Variants in HTR4 observed in about 807,000 individuals in gnomAD.
The protein encoded by HTR4 is 5-hydroxytryptamine receptor 4.
HTR4 carries 16 observed loss-of-function variants against 36.8 expected under a neutral mutation model. The observed-to-expected ratio is 0.43, with a 90% confidence interval of 0.29 to 0.66. HTR4 has a LOEUF of 0.66. Among genes scored for constraint, HTR4 ranks in the 30% least tolerant of loss-of-function variants. The pLI, the probability that HTR4 is intolerant of heterozygous loss-of-function variation, is 0.13. For missense variants in HTR4, 438 were observed against 490.9 expected (o/e 0.89, Z 1.02); for synonymous variants, 189 against 185.1 (o/e 1.02, Z -0.17).
intron 2 of HTR4, among the ~76,000 whole-genome samples, chr5:148,583,148 T>C (rs1316728356): frequency 6.6e-6 from 1 of 151,586 alleles, no homozygotes; most frequent in East Asian, 1.9e-4. Flanking sequence ...GCATGAAGGG[T>C]TGTTGAATTT....
At chr5:148,488,424 T>A (rs1384955383) in intron 6 of HTR4, among the ~76,000 whole-genome samples, 1 of 152,232 alleles carries the variant, frequency 6.6e-6, no homozygotes, top group Non-Finnish European at 1.5e-5. Flanking sequence ...TAAATTTTAA[T>A]AACTTTGTTT....
intron 4 of HTR4, among the ~76,000 whole-genome samples, chr5:148,539,422 G>A (rs889411184): frequency 2.0e-5 from 3 of 152,144 alleles, no homozygotes; most frequent in African/African-American, 7.2e-5. Context: ...ACTATCAACA[G>A]AGCAAACAGA....
chr5:148,510,525 A>G (rs1343613753), intron 5 of HTR4, among the ~76,000 whole-genome samples: 4 of 152,234 alleles, frequency 2.6e-5, no homozygotes, highest in Non-Finnish European at 5.9e-5. Flanking sequence ...AGTACATATT[A>G]TAAGTGCAGA....
intron 6 of HTR4, among the ~76,000 whole-genome samples, chr5:148,500,418 G>A (rs1390173045): frequency 6.6e-6 from 1 of 152,024 alleles, no homozygotes; most frequent in African/African-American, 2.4e-5. Flanking sequence ...AAAGTTGCTG[G>A]TGAGTTAGCA....
At chr5:148,488,046 T>C (rs922690240) in intron 6 of HTR4, among the ~76,000 whole-genome samples, 1 of 152,162 alleles carries the variant, frequency 6.6e-6, no homozygotes, top group Non-Finnish European at 1.5e-5. Context: ...ATAGAATTCT[T>C]GGGTATTGTT....
chr5:148,510,467 A>AGAAT (rs1757445406), intron 5 of HTR4, among the ~76,000 whole-genome samples: 1 of 152,208 alleles, frequency 6.6e-6, no homozygotes, highest in Non-Finnish European at 1.5e-5. Flanking sequence ...ATAACAGATC[A>AGAAT]GTCTCTTAAC....
intron 1 of HTR4, among the ~76,000 whole-genome samples, chr5:148,647,691 G>A (rs138271238): frequency 2.9e-3 from 446 of 152,212 alleles, no homozygotes; most frequent in African/African-American, 9.9e-3. Flanking sequence ...TCTACTAAAA[G>A]TACAAAAATT....
At chr5:148,521,894 A>G (rs1489489168) in intron 5 of HTR4, among the ~76,000 whole-genome samples, 3 of 152,028 alleles carry the variant, frequency 2.0e-5, no homozygotes, top group Non-Finnish European at 4.4e-5. Flanking sequence ...CCCACATGAC[A>G]TATTTTCTTC....
intron 1 of HTR4, among the ~76,000 whole-genome samples, chr5:148,639,232 T>C (rs1753648847): frequency 6.6e-6 from 1 of 152,038 alleles, no homozygotes; most frequent in African/African-American, 2.4e-5. Context: ...GTCAGGTCAT[T>C]TCTTGCTTGC....
intron 6 of HTR4, among the ~76,000 whole-genome samples, chr5:148,491,293 C>A (rs912689534): frequency 6.6e-6 from 1 of 152,094 alleles, no homozygotes; most frequent in Non-Finnish European, 1.5e-5. Flanking sequence ...TCCTAGAAAC[C>A]GTATCAGTCG....
intron 2 of HTR4, among the ~76,000 whole-genome samples, chr5:148,605,607 C>T (rs573488705): frequency 5.3e-4 from 81 of 152,132 alleles, no homozygotes; most frequent in African/African-American, 1.7e-3. Context: ...CTTCACGTTC[C>T]GCAGTTACTA....
intron 2 of HTR4, among the ~76,000 whole-genome samples, chr5:148,588,687 C>T (rs1300357655): frequency 6.6e-6 from 1 of 150,406 alleles, no homozygotes; most frequent in Non-Finnish European, 1.5e-5. Flanking sequence ...ACTACAGGCG[C>T]CCGCCACCGC....
chr5:148,483,537 C>G (rs1009698763), intron 6 of HTR4, among the ~76,000 whole-genome samples: 1 of 152,184 alleles, frequency 6.6e-6, no homozygotes, highest in African/African-American at 2.4e-5. Flanking sequence ...CCTGATGGAC[C>G]TATTACGCCT....
chr5:148,648,538 A>T (rs1308763739), intron 1 of HTR4, among the ~76,000 whole-genome samples: 5 of 152,232 alleles, frequency 3.3e-5, no homozygotes, highest in African/African-American at 1.2e-4. Context: ...TACAAGCCAC[A>T]GTATGTGATT....
intron 2 of HTR4, among the ~76,000 whole-genome samples, chr5:148,621,821 G>A (rs927991835): frequency 6.6e-6 from 1 of 152,116 alleles, no homozygotes; most frequent in African/African-American, 2.4e-5. Flanking sequence ...ATGGTCTACA[G>A]GTCATGATTA....
rs1394737249 is a variant in HTR4 at position 148,490,662 on chromosome 5, T to C, written c.1077-7369A>G. ...CTTCCAGTTACTGATATTCGGTCAA[T>C]CAACACTTTTAATTGACTGATGGTC... On this transcript the variant is annotated intron_variant, in intron 6 of 6. Coordinates refer to ENST00000377888, the MANE Select transcript of HTR4 (RefSeq NM_000870.7). 6.0e-6 allele frequency: 7 copies of C among 1,174,004 alleles called. No homozygotes were observed. In the South Asian group the frequency reaches 6.8e-5, roughly 11 times the overall value. The allele number at this position is 1,174,004 out of a possible 1,614,324, so 72.7% of individuals were successfully genotyped here. A position where few individuals can be genotyped will look rare whatever the true frequency, so the allele number is the denominator to read the frequency against.
chr5:148,608,731 A>C, intron 2 of HTR4, among the ~76,000 whole-genome samples: 1 of 152,242 alleles, frequency 6.6e-6, no homozygotes, highest in East Asian at 1.9e-4. Flanking sequence ...GAGACAAGAG[A>C]AGAACATTTC....
intron 1 of HTR4, among the ~76,000 whole-genome samples, chr5:148,650,674 C>T (rs1381495297): frequency 6.6e-6 from 1 of 152,068 alleles, no homozygotes; most frequent in Non-Finnish European, 1.5e-5. Context: ...ACTGTTCCTT[C>T]CTCCATCCTT....
At chr5:148,461,928 GAATTAAAGTAGA>G (rs1370933082) in intron 5 of HTR4, 1 of 151,996 alleles carries the variant, frequency 6.6e-6, no homozygotes, top group East Asian at 1.9e-4. Flanking sequence ...GGCCACAGTG[GAATTAAAGTAGA>G]AATCTATAAC....
Sources: allele counts gnomAD v4.1 joint callset (sites outside exome capture counted in the v4.1 genomes callset), GRCh38; gene constraint gnomAD v4.1.1; transcripts MANE v1.5; gene names NCBI Gene and HGNC (gene_info 2026-07-23, HGNC 2026-07-21).